The following PRDM2 variants were observed in gnomAD, a reference collection of about 807,000 sequenced individuals.
PRDM2 encodes PR domain zinc finger protein 2.
PRDM2 carries 30 observed loss-of-function variants against 130.0 expected under a neutral mutation model. The ratio of observed to expected loss-of-function variants is 0.23; its 90% CI spans 0.17 to 0.31. The LOEUF is 0.31. PRDM2 is among the 10% of genes least tolerant of loss of function. The pLI is 1.00. For synonymous variants in PRDM2, 871 were observed against 782.4 expected, an observed-to-expected ratio of 1.11 and a Z score of -1.89; for missense variants, 2,011 against 2,108.4, an observed-to-expected ratio of 0.95 and a Z score of 0.90.
chr1:13,808,943 T>G (rs1645129090), intron 8 of PRDM2, among the ~76,000 whole-genome samples: 1 of 148,802 alleles, frequency 6.7e-6, no homozygotes, highest in Admixed American at 6.8e-5. Flanking sequence ...TCAACCCAGC[T>G]GCATGTTGGA....
intron 1 of PRDM2, among the ~76,000 whole-genome samples, chr1:13,712,770 CAA>C (rs1007798801): frequency 6.6e-6 from 1 of 151,672 alleles, no homozygotes; most frequent in South Asian, 2.1e-4. Flanking sequence ...AAAAAACAAA[CAA>C]AAAAAAGAAA....
intron 6 of PRDM2, among the ~76,000 whole-genome samples, chr1:13,762,105 T>C (rs1035052630): frequency 6.6e-6 from 1 of 152,224 alleles, no homozygotes; most frequent in East Asian, 1.9e-4. Flanking sequence ...TACAATCGAT[T>C]CCATTTATTG....
chr1:13,732,121 C>A (rs1170659895), intron 3 of PRDM2, among the ~76,000 whole-genome samples: 1 of 152,116 alleles, frequency 6.6e-6, no homozygotes, highest in Non-Finnish European at 1.5e-5. Flanking sequence ...TTACTGTCTG[C>A]TTGCTCATTA....
In PRDM2 at chr1:13,762,279, C is replaced by T. The variant is rs191117889; in HGVS notation, c.512-10799C>T. 2.0e-4 allele frequency among the ~76,000 whole-genome samples: 30 copies of T among 152,384 alleles called. No homozygotes were observed. In the East Asian group the frequency reaches 4.8e-3, roughly 24 times the overall value. On this transcript the variant is annotated intron_variant, in intron 6 of 9. Transcript: ENST00000311066. ...ATCAAATCATGGCCCAAGGGCTGCG[C>T]AGCAGTGTTTCATGCTATTTCACTT...
intron 8 of PRDM2, among the ~76,000 whole-genome samples, chr1:13,784,421 G>C (rs1644691988): frequency 6.6e-6 from 1 of 152,184 alleles, no homozygotes; most frequent in African/African-American, 2.4e-5. Context: ...TGATGCTTTA[G>C]AATGTACTGT....
chr1:13,717,549 C>T, intron 2 of PRDM2: 1 of 516,922 alleles, frequency 1.9e-6, no homozygotes, highest in Non-Finnish European at 2.5e-6. Context: ...AATTCTTGTA[C>T]AGTATTAGAC....
intron 1 of PRDM2, among the ~76,000 whole-genome samples, chr1:13,709,666 T>C (rs770257555): frequency 3.9e-5 from 6 of 152,344 alleles, no homozygotes; most frequent in Non-Finnish European, 5.9e-5. Context: ...CTAAGACTCC[T>C]TTCCCAAAAT....
intron 8 of PRDM2, among the ~76,000 whole-genome samples, chr1:13,799,331 G>T (rs1238989291): frequency 6.6e-6 from 1 of 152,006 alleles, no homozygotes; most frequent in Non-Finnish European, 1.5e-5. Context: ...TGTAATCCCA[G>T]CTACTCAGGA....
At chr1:13,721,549 A>T (rs937542101) in intron 2 of PRDM2, among the ~76,000 whole-genome samples, 1 of 152,204 alleles carries the variant, frequency 6.6e-6, no homozygotes, top group Non-Finnish European at 1.5e-5. Context: ...TGTTGAATGA[A>T]TAGTGGTAGC....
intron 8 of PRDM2, among the ~76,000 whole-genome samples, chr1:13,788,617 CTGG>C (rs1644788965): frequency 6.6e-6 from 1 of 152,166 alleles, no homozygotes; most frequent in Non-Finnish European, 1.5e-5. Context: ...GCCAGATGTT[CTGG>C]CATACGATAT....
Position 13,779,843 on chromosome 1 carries a change from A to G in PRDM2, c.2048A>G (p.Lys683Arg). 5 of 1,614,204 alleles carry G rather than the reference A, an allele frequency of 3.1e-6. No individual in the cohort carries two copies. Among genetic ancestry groups the G allele is most frequent in the Non-Finnish European group, 4.2e-6 (5 of 1,180,046 alleles). ...TTEAVSFHKE[K>R]SVYLSSKLKQ... Reference sequence around the variant, plus strand: ...GAGGCAGTGTCTTTCCACAAAGAGAAAAGTGTTTATTTGTCATCAAAGCTC... The same window carrying G: ...GAGGCAGTGTCTTTCCACAAAGAGAGAAGTGTTTATTTGTCATCAAAGCTC... The change falls in exon 8 of 10, where the codon AAA becomes AGA. Residue 683 changes from lysine to arginine, a missense_variant. Physicochemically the swap from Lys to Arg is conservative, Grantham distance 26. This residue lies in a region of PRDM2 where 1,288 missense variants were observed against 1,237.7 expected (regional missense o/e 1.04). Transcript: ENST00000311066. This position sits in a 1 kb window ranked among gnomAD's most constrained non-coding sequence, Gnocchi z 4.9.
intron 4 of PRDM2, 118 bp from the exon 5 acceptor site, chr1:13,741,887 G>T: frequency 1.2e-5 from 9 of 770,734 alleles, no homozygotes; most frequent in African/African-American, 3.5e-5. Context: ...TTTATGAAAT[G>T]CTTTATATAG....
intron 9 of PRDM2, among the ~76,000 whole-genome samples, chr1:13,818,584 A>C (rs1429234632): frequency 2.7e-5 from 4 of 148,252 alleles, no homozygotes; most frequent in East Asian, 2.0e-4. Context: ...ACGGGGTTTC[A>C]CCATGTTGGC....
At chr1:13,734,173 C>T (rs1643197284) in intron 4 of PRDM2, among the ~76,000 whole-genome samples, 1 of 152,158 alleles carries the variant, frequency 6.6e-6, no homozygotes, top group South Asian at 2.1e-4. Context: ...GTTATTTCAC[C>T]ACTTTTGAGG....
intron 6 of PRDM2, among the ~76,000 whole-genome samples, chr1:13,759,918 T>C (rs1383292993): frequency 6.6e-6 from 1 of 152,176 alleles, no homozygotes; most frequent in East Asian, 1.9e-4. Flanking sequence ...GGACCAGGGG[T>C]TTAAGATTCC....
chr1:13,703,381 G>A (rs966717059), intron 1 of PRDM2, among the ~76,000 whole-genome samples: 2 of 152,184 alleles, frequency 1.3e-5, no homozygotes, highest in African/African-American at 2.4e-5. Flanking sequence ...CACTTGAACC[G>A]CTGCAGTGAA....
intron 8 of PRDM2, among the ~76,000 whole-genome samples, chr1:13,792,741 C>G (rs1255097674): frequency 6.6e-6 from 1 of 152,228 alleles, no homozygotes. Flanking sequence ...TGTAGCTAAC[C>G]ACCATGGAGG....
At chr1:13,700,416 G>T (rs1280304029) in intron 1 of PRDM2, 116 bp downstream of exon 1, 1 of 150,184 alleles carries the variant, frequency 6.7e-6, no homozygotes, top group Non-Finnish European at 1.5e-5. Flanking sequence ...GCGCCGCAGG[G>T]ATGGCCGGGT....
At position 13,823,265 on chromosome 1, in the gene PRDM2, A is replaced by T. The variant is rs776367739; in HGVS notation, c.*130A>T. On this transcript the variant is annotated 3_prime_UTR_variant, in exon 10 of 10. Transcript: ENST00000311066. ...TGAGGCTGCGAGAGAAAGGGAGTGC[A>T]TGTGCGCGCGTGCATGTGTGCGTGC... 18 of 1,494,196 alleles carry T rather than the reference A, an allele frequency of 1.2e-5. 1 individual carries two copies. The highest frequency in any genetic ancestry group is 1.6e-5 in the Non-Finnish European group (17 of 1,076,918). 92.6% of individuals were successfully genotyped at this position (1,494,196 alleles called of 1,614,324 possible).
Sources: gnomAD v4.1 joint callset for allele counts (sites outside exome capture counted in the v4.1 genomes callset) on GRCh38, gnomAD v4.1.1 for gene constraint, gnomAD v4.1.1 regional missense constraint, Gnocchi (gnomAD v3.1) non-coding constraint, MANE v1.5 for transcripts, NCBI Gene and HGNC (gene_info 2026-07-23, HGNC 2026-07-21) for gene names.